Variants in POLR3B observed in about 807,000 individuals in gnomAD.
POLR3B encodes the protein RNA polymerase III subunit B, also known as DNA-directed RNA polymerase III subunit RPC2.
Under a neutral mutation model 147.4 loss-of-function variants are expected in POLR3B, and 96 were observed. That is an observed-to-expected ratio of 0.65 (90% CI 0.55 to 0.77). The LOEUF (loss-of-function observed/expected upper bound fraction) is 0.77, where lower values mean the gene tolerates loss of function less well. POLR3B is among the 30% of genes least tolerant of loss of function. The probability of loss-of-function intolerance (pLI) is 0.00; values close to 1 mark genes in which losing one functional copy is unlikely to be tolerated. For missense variants in POLR3B, 1,036 were observed against 1,413.5 expected, an observed-to-expected ratio of 0.73 and a Z score of 4.28; for synonymous variants, 461 against 485.9, an observed-to-expected ratio of 0.95 and a Z score of 0.67.
At chr12:106,385,283 TAGAA>T (rs2036820694) in intron 9 of POLR3B, among the ~76,000 whole-genome samples, 1 of 152,204 alleles carries the variant, frequency 6.6e-6, no homozygotes, top group Non-Finnish European at 1.5e-5. Context: ...AGCAACTTTA[TAGAA>T]CATAACTACC....
chr12:106,389,462 T>C (rs1301794706), intron 9 of POLR3B, among the ~76,000 whole-genome samples: 1 of 152,180 alleles, frequency 6.6e-6, no homozygotes, highest in Non-Finnish European at 1.5e-5. Context: ...TTTTATGCAG[T>C]TATGAAATCA....
intron 23 of POLR3B, among the ~76,000 whole-genome samples, chr12:106,484,416 A>G (rs1206691840): frequency 6.6e-6 from 1 of 152,108 alleles, no homozygotes; most frequent in Non-Finnish European, 1.5e-5. Context: ...ACAGAGGTAA[A>G]CAAGACTGAT....
intron 2 of POLR3B, among the ~76,000 whole-genome samples, chr12:106,364,854 G>A (rs748345797): frequency 1.3e-5 from 2 of 152,224 alleles, no homozygotes; most frequent in Non-Finnish European, 2.9e-5. Flanking sequence ...TGAAAAATGA[G>A]GCCGGGCGCG....
intron 6 of POLR3B, among the ~76,000 whole-genome samples, chr12:106,375,365 A>G (rs1176414575): frequency 6.6e-6 from 1 of 152,104 alleles, no homozygotes; most frequent in Non-Finnish European, 1.5e-5. Flanking sequence ...TGGCTTTCAT[A>G]TGTCTTTAAA....
At chr12:106,496,594 G>A in intron 24 of POLR3B, 158 bp from the exon 25 acceptor site, 1 of 685,036 alleles carries the variant, frequency 1.5e-6, no homozygotes. Context: ...GTATTGAGAG[G>A]CGTAAAATTA....
intron 23 of POLR3B, among the ~76,000 whole-genome samples, chr12:106,492,576 T>G (rs543228391): frequency 8.5e-5 from 13 of 152,300 alleles, no homozygotes; most frequent in African/African-American, 3.1e-4. Context: ...AACCAGATGA[T>G]TCCTGAGATT....
At chr12:106,470,314 C>T (rs1414345750) in intron 23 of POLR3B, among the ~76,000 whole-genome samples, 2 of 152,050 alleles carry the variant, frequency 1.3e-5, no homozygotes, top group Non-Finnish European at 2.9e-5. Flanking sequence ...GTCATTTAAG[C>T]TCTTCTCTAC....
At chr12:106,364,286 C>T (rs2036504315) in intron 2 of POLR3B, among the ~76,000 whole-genome samples, 1 of 152,180 alleles carries the variant, frequency 6.6e-6, no homozygotes, top group African/African-American at 2.4e-5. Flanking sequence ...TCAAGAGGAG[C>T]CTCCACAGAG....
intron 9 of POLR3B, among the ~76,000 whole-genome samples, chr12:106,387,198 A>G (rs1050754423): frequency 2.6e-5 from 4 of 152,232 alleles, no homozygotes; most frequent in African/African-American, 9.6e-5. Context: ...TGATATACAC[A>G]TACATTTTTA....
intron 10 of POLR3B, among the ~76,000 whole-genome samples, chr12:106,403,562 A>G: frequency 6.6e-6 from 1 of 152,142 alleles, no homozygotes; most frequent in Non-Finnish European, 1.5e-5. Context: ...AATCAACCCA[A>G]ATGTCCAACA....
Position 106,410,827 on chromosome 12 carries a change from T to G in POLR3B, c.968T>G (p.Val323Gly). ...LASTILTHVP[V>G]KEFNFRAKCI... ...TTTTCTCCAATTTCTGACTTACAGGTTAAGGAATTCAATTTCCGAGCCAAA... is the reference window on the plus strand; with the variant it reads ...TTTTCTCCAATTTCTGACTTACAGGGTAAGGAATTCAATTTCCGAGCCAAA... Residue 323 changes from valine (V) to glycine (G), a missense_variant and splice_region_variant, in exon 12 of 28, where the codon GTT becomes GGT. Around this residue, in one of 12 missense-constraint regions of POLR3B, gnomAD observed 217 missense variants for 288.7 expected, o/e 0.75. Coordinates refer to ENST00000228347, the MANE Select transcript of POLR3B (RefSeq NM_018082.6). The G allele has an allele frequency of 6.2e-7, 1 of 1,613,896 alleles. No homozygotes were observed. Among genetic ancestry groups the G allele is most frequent in the Non-Finnish European group, 8.5e-7 (1 of 1,179,860 alleles).
rs184247486 is a variant in POLR3B at position 106,504,836 on chromosome 12, T to C, written c.3272+582T>C. 1.3e-5 allele frequency among the ~76,000 whole-genome samples: 2 copies of C among 152,306 alleles called. No individual in the cohort carries two copies. The highest frequency in any genetic ancestry group is 2.1e-4 in the South Asian group (1 of 4,832). On this transcript the variant is annotated intron_variant, in intron 27 of 27. Transcript: ENST00000228347. The surrounding 1 kb of genome is among the most constrained non-coding windows in gnomAD (Gnocchi z 4.6). ...CTCAGTAATTTATTCAGCAAACATG[T>C]AGTAAGTATCTGCTAAGTGTCAGAC... is the stretch of plus-strand genomic sequence containing the variant.
chr12:106,386,148 C>T (rs1024723092), intron 9 of POLR3B, among the ~76,000 whole-genome samples: 16 of 151,998 alleles, frequency 1.1e-4, no homozygotes, highest in South Asian at 2.1e-4. Flanking sequence ...GAGTTTGAGA[C>T]CAGCCTGGCT....
At chr12:106,408,769 TCTTAC>T (rs948597417) in intron 11 of POLR3B, among the ~76,000 whole-genome samples, 4 of 152,284 alleles carry the variant, frequency 2.6e-5, no homozygotes, top group Non-Finnish European at 4.4e-5. Context: ...TCCTAAAAAG[TCTTAC>T]CTGCTGCTAG....
intron 11 of POLR3B, among the ~76,000 whole-genome samples, chr12:106,407,616 G>A (rs1217597716): frequency 6.6e-6 from 1 of 152,016 alleles, no homozygotes; most frequent in African/African-American, 2.4e-5. Context: ...GATCACCTGA[G>A]GTCAGGAGTT....
chr12:106,492,273 G>T (rs2038416750), intron 23 of POLR3B, among the ~76,000 whole-genome samples: 1 of 151,852 alleles, frequency 6.6e-6, no homozygotes, highest in Non-Finnish European at 1.5e-5. Context: ...TTAGAATTAG[G>T]AATACTTTTT....
intron 1 of POLR3B, among the ~76,000 whole-genome samples, chr12:106,359,642 T>G (rs1241933673): frequency 2.0e-5 from 3 of 152,198 alleles, no homozygotes; most frequent in Non-Finnish European, 4.4e-5. Context: ...AAACTGTATT[T>G]TAACCGTGAA....
In POLR3B at chr12:106,498,873, AC is replaced by A. The variant is rs2038546753; in HGVS notation, c.2984+1957del. Among the ~76,000 whole-genome samples the A allele has an allele frequency of 1.3e-5, 2 of 152,242 alleles. 1 individual carries two copies. The highest frequency in any genetic ancestry group is 2.9e-5 in the Non-Finnish European group (2 of 68,038). On this transcript the variant is annotated intron_variant, in intron 25 of 27. Transcript: ENST00000228347. ...AGTGCTGGGATTACAGGCGTGAGCC[AC>A]CACGCCCTAAGGTTTTAAACCACTT...
chr12:106,467,681 A>C (rs2038024879), intron 23 of POLR3B, among the ~76,000 whole-genome samples: 1 of 151,850 alleles, frequency 6.6e-6, no homozygotes, highest in African/African-American at 2.4e-5. Flanking sequence ...GAATTTTGTC[A>C]AAGGCCTTTT....
Sources: gnomAD v4.1 joint callset for allele counts (sites outside exome capture counted in the v4.1 genomes callset) on GRCh38, gnomAD v4.1.1 for gene constraint, gnomAD v4.1.1 regional missense constraint, Gnocchi (gnomAD v3.1) non-coding constraint, MANE v1.5 for transcripts, NCBI Gene and HGNC (gene_info 2026-07-23, HGNC 2026-07-21) for gene names.